NLGN4X: variants seen among roughly 807,000 people sequenced by gnomAD.
NLGN4X encodes neuroligin-4, X-linked.
A neutral mutation model predicts 40.3 loss-of-function variants in NLGN4X; 3 were observed. The observed-to-expected ratio is 0.07, with a 90% CI of 0.03 to 0.19. NLGN4X has a LOEUF of 0.19. Ranked by LOEUF, NLGN4X falls within the 10% of genes least tolerant of loss-of-function variation. The pLI is 1.00. For synonymous variants in NLGN4X, 270 were observed against 306.8 expected (o/e 0.88, Z 1.25); for missense variants, 382 against 708.3 (o/e 0.54, Z 5.23).
At chrX:5,914,070 GTCTT>G (rs1323988265) in intron 3 of NLGN4X, among the ~76,000 whole-genome samples, 1 of 111,965 alleles carries the variant, frequency 8.9e-6, no homozygotes, top group Non-Finnish European at 1.9e-5. Context: ...TCTCAGGTAT[GTCTT>G]TATTAGCAGC....
chrX:6,147,014 A>T (rs1350575516), intron 2 of NLGN4X, among the ~76,000 whole-genome samples: 2 of 111,507 alleles, frequency 1.8e-5, no homozygotes, highest in African/African-American at 6.5e-5. Flanking sequence ...CTGGTCACGA[A>T]TTCCTGACCT....
intron 3 of NLGN4X, among the ~76,000 whole-genome samples, chrX:6,009,177 G>A (rs1569183360): frequency 1.8e-5 from 2 of 111,907 alleles, no homozygotes; most frequent in Admixed American, 9.5e-5. Context: ...TTTAGCTATT[G>A]TGAATAACAT....
intron 3 of NLGN4X, among the ~76,000 whole-genome samples, chrX:5,927,929 T>C (rs1210809752): frequency 8.9e-6 from 1 of 112,642 alleles, no homozygotes; most frequent in Non-Finnish European, 1.9e-5. Context: ...TTCATATTTT[T>C]ACCATGGCAT....
At chrX:6,065,820 T>C (rs1169865794) in intron 2 of NLGN4X, among the ~76,000 whole-genome samples, 5 of 112,070 alleles carry the variant, frequency 4.5e-5, no homozygotes, top group Admixed American at 2.8e-4. Context: ...TATCTTGATA[T>C]ACTATGTTAT....
chrX:6,213,708 T>C (rs1162758758), intron 1 of NLGN4X, among the ~76,000 whole-genome samples: 2 of 112,376 alleles, frequency 1.8e-5, no homozygotes, highest in Non-Finnish European at 3.8e-5. Flanking sequence ...AAGTAGTCAA[T>C]GTGTAAGAAT....
At chrX:5,997,418 A>C (rs2035849112) in intron 3 of NLGN4X, among the ~76,000 whole-genome samples, 1 of 106,502 alleles carries the variant, frequency 9.4e-6, no homozygotes. Context: ...AGCAAAATAA[A>C]ATTTTCAAAA....
chrX:5,950,014 G>C (rs747416940), intron 3 of NLGN4X, among the ~76,000 whole-genome samples: 182 of 111,874 alleles, frequency 1.6e-3, no homozygotes, highest in Middle Eastern at 0.014. Flanking sequence ...CAAATCAGAC[G>C]GGTTTGGGAC....
Position 6,066,979 on chromosome X carries a change from C to T in NLGN4X, c.473-37547G>A, listed in dbSNP as rs1393560277. ...ACAAAATTAGTTGGACATAGTAGCA[C>T]ATGCCTGTAGTCCCAGCTACTTGGG... On this transcript the variant is annotated intron_variant, in intron 2 of 5. Transcript: ENST00000381095. Among the ~76,000 whole-genome samples the T allele has an allele frequency of 2.8e-5, 3 of 108,932 alleles. No individual in the cohort carries two copies. In the East Asian group the frequency reaches 8.9e-4, roughly 32 times the overall value. 94.6% of individuals were successfully genotyped at this position (108,932 alleles called of 115,157 possible). A position where few individuals can be genotyped will look rare whatever the true frequency, so the allele number is the denominator to read the frequency against.
At chrX:6,148,695 T>C (rs2040104097) in intron 2 of NLGN4X, among the ~76,000 whole-genome samples, 1 of 110,790 alleles carries the variant, frequency 9.0e-6, no homozygotes, top group African/African-American at 3.3e-5. Context: ...TTTGTATTTT[T>C]AGTAGAGATG....
intron 2 of NLGN4X, among the ~76,000 whole-genome samples, chrX:6,108,683 C>CA (rs1416699492): frequency 2.9e-5 from 3 of 104,997 alleles, no homozygotes; most frequent in Non-Finnish European, 5.9e-5. Context: ...GAATCTGTTT[C>CA]AAAAAAAAAG....
intron 3 of NLGN4X, among the ~76,000 whole-genome samples, chrX:5,974,023 T>C (rs180835583): frequency 9.0e-6 from 1 of 111,504 alleles, no homozygotes; most frequent in Non-Finnish European, 1.9e-5. Flanking sequence ...CTCAAAGTTA[T>C]GTTATTAAGT....
At chrX:6,193,907 CCAAT>C (rs1569292322) in intron 1 of NLGN4X, among the ~76,000 whole-genome samples, 1 of 112,294 alleles carries the variant, frequency 8.9e-6, no homozygotes. Flanking sequence ...GTGAAAAGAA[CCAAT>C]CAATCATTTA....
intron 2 of NLGN4X, among the ~76,000 whole-genome samples, chrX:6,059,816 G>A (rs2037725781): frequency 9.0e-6 from 1 of 111,284 alleles, no homozygotes; most frequent in African/African-American, 3.3e-5. Context: ...TGATTTCACT[G>A]TCATGTCTTG....
rs545015000 is a variant in NLGN4X, at chrX:6,031,544, C to G, written c.473-2112G>C. ...TGAAGATAAGCAAGGAGGGGAGCAA[C>G]TACAAGAATTGGTCAAAAGACCCTG... On this transcript the variant is annotated intron_variant, in intron 2 of 5. Transcript: ENST00000381095. 4.1e-4 allele frequency among the ~76,000 whole-genome samples: 46 copies of G among 111,569 alleles called. No individual in the cohort carries two copies. In the South Asian group the frequency reaches 0.017, roughly 42 times the overall value.
Position 6,078,851 on chromosome X carries a change from G to A in NLGN4X, c.473-49419C>T, listed in dbSNP as rs142720022. On this transcript the variant is annotated intron_variant, in intron 2 of 5. Transcript: ENST00000381095. ...TTGTAATCCAAATTGTAATCCCCAC[G>A]TGTTGGGGGAGGGACCTCATGGGGG... Among the ~76,000 whole-genome samples the A allele has an allele frequency of 4.1e-3, 453 of 111,119 alleles. 1 individual carries two copies. Among genetic ancestry groups the A allele is most frequent in the African/African-American group, 0.014 (425 of 30,507 alleles).
At chrX:6,161,796 G>C (rs368885919) in intron 1 of NLGN4X, among the ~76,000 whole-genome samples, 25 of 110,244 alleles carry the variant, frequency 2.3e-4, no homozygotes, top group African/African-American at 7.9e-4. Context: ...GAAAGAGAGG[G>C]AGAGACTGAC....
intron 2 of NLGN4X, among the ~76,000 whole-genome samples, chrX:6,145,742 CT>C (rs1310584590): frequency 1.8e-5 from 2 of 111,364 alleles, no homozygotes; most frequent in East Asian, 5.6e-4. Flanking sequence ...TTTCCAGCTT[CT>C]TTCCCTGTTG....
chrX:6,003,511 C>G (rs1382884729), intron 3 of NLGN4X, among the ~76,000 whole-genome samples: 1 of 111,775 alleles, frequency 8.9e-6, no homozygotes, highest in Non-Finnish European at 1.9e-5. Flanking sequence ...TAAACTCATT[C>G]CATAAAACAA....
intron 3 of NLGN4X, among the ~76,000 whole-genome samples, chrX:5,966,741 T>A (rs2034846028): frequency 1.9e-5 from 2 of 106,164 alleles, no homozygotes; most frequent in African/African-American, 6.8e-5. Flanking sequence ...GTAGTTTCAT[T>A]GACTTGAGTA....
Sources: gnomAD v4.1 joint callset for allele counts (sites outside exome capture counted in the v4.1 genomes callset) on GRCh38, gnomAD v4.1.1 for gene constraint, MANE v1.5 for transcripts, NCBI Gene and HGNC (gene_info 2026-07-23, HGNC 2026-07-21) for gene names.